The following TUBGCP5 variants were observed in gnomAD, a reference collection of about 807,000 sequenced individuals.
The protein encoded by TUBGCP5 is gamma-tubulin complex component 5.
A neutral mutation model predicts 134.7 loss-of-function variants in TUBGCP5; 98 were observed. That is an observed-to-expected ratio of 0.73 (90% CI 0.62 to 0.86). The LOEUF (loss-of-function observed/expected upper bound fraction) is 0.86, where lower values mean the gene tolerates loss of function less well. Ranked by LOEUF, TUBGCP5 falls within the 40% of genes least tolerant of loss-of-function variation. The pLI, the probability that TUBGCP5 is intolerant of heterozygous loss-of-function variation, is 0.00. For missense variants in TUBGCP5, 1,150 were observed against 1,244.8 expected (o/e 0.92, Z 1.15); for synonymous variants, 456 against 431.4 (o/e 1.06, Z -0.71).
chr15:23,037,089 ACT>A lies in TUBGCP5; in HGVS notation c.200+8_200+9del, dbSNP rs1325614531. 3 of 1,613,436 alleles carry A rather than the reference ACT, an allele frequency of 1.9e-6. No homozygotes were observed. Among genetic ancestry groups the A allele is most frequent in the Non-Finnish European group, 2.5e-6 (3 of 1,179,710 alleles). The stretch of plus-strand genomic sequence containing the variant: ...TATTTCTGGATGCGTATATATACAC[ACT>A]GACTTACCCTTCGATTGTTTTTTCT... On this transcript the variant is annotated splice_region_variant and intron_variant, in intron 2 of 22. Transcript: ENST00000615383.
rs908735384 is a variant in TUBGCP5 at position 23,034,135 on chromosome 15, C to T, written c.310-1311G>A. The stretch of plus-strand genomic sequence containing the variant: ...TGTACTAGTCTGTTTAGATAGTTTG[C>T]GCAAACAGTGTGACTGAAGGTGAAC... On this transcript the variant is annotated intron_variant, in intron 3 of 22. Transcript: ENST00000615383. Among the ~76,000 whole-genome samples, 4 of 152,146 alleles carry T rather than the reference C, an allele frequency of 2.6e-5. No homozygotes were observed. The South Asian group carries it at 8.3e-4, about 31-fold the overall frequency.
chr15:23,023,904 T>C, intron 10 of TUBGCP5, 43 bp downstream of exon 10: 1 of 1,575,828 alleles, frequency 6.3e-7, no homozygotes, highest in South Asian at 1.2e-5. Context: ...ATTCAAATTA[T>C]GAGTTACGTG....
chr15:23,008,851 A>G lies in TUBGCP5; in HGVS notation c.2175T>C (p.Asn725=). 1 of 1,578,934 alleles carries G rather than the reference A, an allele frequency of 6.3e-7. No homozygotes were observed. Among genetic ancestry groups the G allele is most frequent in the Non-Finnish European group, 8.5e-7 (1 of 1,169,728 alleles). Residue 725 remains asparagine, a synonymous_variant, in exon 16 of 23, where the codon AAT becomes AAC. Coordinates refer to ENST00000615383, the MANE Select transcript of TUBGCP5 (RefSeq NM_052903.6). ...RLVEYLQAMR[N]FFLMEGGDTM... is the part of the protein sequence containing the mutation. ...TATCTCCTCCTTCCATTAAGAAAAA[A>G]TTCCTCATAGCTTGCAAGTATTCTA...
chr15:23,035,855 T>A (rs1014649483), intron 3 of TUBGCP5, among the ~76,000 whole-genome samples: 1 of 152,106 alleles, frequency 6.6e-6, no homozygotes, highest in African/African-American at 2.4e-5. Context: ...TCAACAAACA[T>A]GCACTGTCCA....
chr15:22,991,218 CTCT>C (rs2063834081), intron 23 of TUBGCP5, among the ~76,000 whole-genome samples: 1 of 152,012 alleles, frequency 6.6e-6, no homozygotes, highest in South Asian at 2.1e-4. Context: ...CTGCCTCAGC[CTCT>C]TGAGTAGCTG....
chr15:23,022,900 A>G (rs904102149), intron 10 of TUBGCP5, among the ~76,000 whole-genome samples: 2 of 152,192 alleles, frequency 1.3e-5, no homozygotes, highest in African/African-American at 2.4e-5. Context: ...CAGCTGTCAT[A>G]CTGGTGAAGA....
rs1432048816 is a variant in TUBGCP5 at position 23,016,967 on chromosome 15, G to GATATATATATATATATATATAT, written c.1756+805_1756+806insATATATATATATATATATATAT. On this transcript the variant is annotated intron_variant, in intron 13 of 22. Coordinates refer to ENST00000615383, the MANE Select transcript of TUBGCP5 (RefSeq NM_052903.6). Reference sequence around the variant, plus strand: ...ACAGATGAATGGGTAAAAAAATTGTGAGATATATATATATATATATGTATA... The same window carrying GATATATATATATATATATATAT: ...ACAGATGAATGGGTAAAAAAATTGTGATATATATATATATATATATATAGATATATATATATATATATGTATA... 9.9e-5 allele frequency among the ~76,000 whole-genome samples: 6 copies of GATATATATATATATATATATAT among 60,844 alleles called. No homozygotes were observed. In the South Asian group the frequency reaches 2.1e-3, roughly 22 times the overall value. 39.9% of individuals were successfully genotyped at this position (60,844 alleles called of 152,430 possible).
At position 23,003,071 on chromosome 15, in the gene TUBGCP5, G is replaced by A. The variant is rs749130831; in HGVS notation, c.2921C>T (p.Thr974Ile). ...FADGWQAGLG[T>I]WRMESIEKME... is the part of the protein sequence containing the mutation. ...GCAGAAATCACATACTTACCGCCAA[G>A]TGCCCAGGCCTGCCTGCCAACCGTC... Residue 974 changes from threonine (T) to isoleucine (I), a missense_variant, in exon 21 of 23, where the codon ACT becomes ATT. This residue lies in a region of TUBGCP5 where 697 missense variants were observed against 850.1 expected (regional missense o/e 0.82). Transcript: ENST00000615383. The A allele has an allele frequency of 1.9e-6, 3 of 1,614,036 alleles. No homozygotes were observed. The highest frequency in any genetic ancestry group is 2.2e-5 in the East Asian group (1 of 44,870).
At chr15:23,008,625 G>T in intron 16 of TUBGCP5, 74 bp downstream of exon 16, 1 of 1,452,480 alleles carries the variant, frequency 6.9e-7, no homozygotes, top group Non-Finnish European at 9.6e-7. Flanking sequence ...AATAATATGT[G>T]TAATTCATAG....
chr15:22,983,084 A>G (rs1230223843), downstream of TUBGCP5: 1 of 152,216 alleles, frequency 6.6e-6, no homozygotes, highest in Non-Finnish European at 1.5e-5. Flanking sequence ...AAAGAAGTAA[A>G]GATACAAAAT....
In TUBGCP5 at chr15:23,019,349, G is replaced by A; in HGVS notation, c.1372-15C>T. The stretch of plus-strand genomic sequence containing the variant: ...AGGAGGGAGACCTGAGGCAGAGAGT[G>A]TGCACGGTCAGCTCTCAGGGTTCCC... On this transcript the variant is annotated splice_polypyrimidine_tract_variant and intron_variant, in intron 11 of 22. Coordinates refer to ENST00000615383, the MANE Select transcript of TUBGCP5 (RefSeq NM_052903.6). 6.4e-7 allele frequency: 1 copy of A among 1,572,756 alleles called. No individual in the cohort carries two copies. Among genetic ancestry groups the A allele is most frequent in the South Asian group, 1.1e-5 (1 of 89,216 alleles).
chr15:23,006,410 C>T (rs754288407), intron 16 of TUBGCP5, 58 bp from the exon 17 acceptor site: 139 of 1,225,244 alleles, frequency 1.1e-4, no homozygotes, highest in Non-Finnish European at 1.5e-4. Flanking sequence ...CAAAAATGCT[C>T]TTTTAAAATA....
chr15:22,993,557 T>TA (rs1567083297), intron 23 of TUBGCP5, among the ~76,000 whole-genome samples: 1 of 123,338 alleles, frequency 8.1e-6, no homozygotes, highest in Non-Finnish European at 1.6e-5. Flanking sequence ...TTTTTTTTTT[T>TA]AATATGAGAC....
At chr15:23,034,975 C>T (rs977191610) in intron 3 of TUBGCP5, among the ~76,000 whole-genome samples, 2 of 151,930 alleles carry the variant, frequency 1.3e-5, no homozygotes, top group African/African-American at 4.8e-5. Context: ...AGTATACATA[C>T]ATTACTAAAA....
At chr15:23,005,165 G>A (rs1171146951) in intron 19 of TUBGCP5, among the ~76,000 whole-genome samples, 2 of 152,122 alleles carry the variant, frequency 1.3e-5, no homozygotes, top group African/African-American at 2.4e-5. Context: ...GGCACATTCT[G>A]AAGGCAATTC....
intron 12 of TUBGCP5, 98 bp from the exon 13 acceptor site, chr15:23,018,139 T>A: frequency 8.0e-7 from 1 of 1,255,872 alleles, no homozygotes. Context: ...AACATAGTAT[T>A]AATTATTAGT....
Position 23,000,590 on chromosome 15 carries a change from A to C in TUBGCP5, c.3007T>G (p.Cys1003Gly). Residue 1003 changes from cysteine (C) to glycine (G), a missense_variant, in exon 22 of 23, where the codon TGT (cysteine) becomes GGT (glycine). Transcript: ENST00000615383. The part of the protein sequence containing the change: ...FLVTILNKAV[C>G]RGSFPHLESL... ...TCACAATGGGGAAAGGATCCTCTACAGACGGCTTTGTTTAAAATGGTTACA... is the reference window on the plus strand; with the variant it reads ...TCACAATGGGGAAAGGATCCTCTACCGACGGCTTTGTTTAAAATGGTTACA... The C allele has an allele frequency of 6.2e-7, 1 of 1,612,448 alleles. No homozygotes were observed. The highest frequency in any genetic ancestry group is 2.2e-5 in the East Asian group (1 of 44,826).
chr15:23,021,385 T>G (rs998120080), intron 11 of TUBGCP5, among the ~76,000 whole-genome samples: 2 of 152,222 alleles, frequency 1.3e-5, no homozygotes, highest in Non-Finnish European at 2.9e-5. Context: ...TCTTACTATG[T>G]TGCCCAGGCA....
chr15:23,031,911 T>C (rs2066333789), intron 5 of TUBGCP5, 39 bp downstream of exon 5: 1 of 1,512,492 alleles, frequency 6.6e-7, no homozygotes, highest in Non-Finnish European at 9.1e-7. Context: ...TCACCTGGCG[T>C]GTATTTCAAT....
Sources: allele counts gnomAD v4.1 joint callset (sites outside exome capture counted in the v4.1 genomes callset), GRCh38; gene constraint gnomAD v4.1.1; regional missense constraint gnomAD v4.1.1; transcripts MANE v1.5; gene names NCBI Gene and HGNC (gene_info 2026-07-23, HGNC 2026-07-21).